The following SRGAP2 variants were observed in gnomAD, a reference collection of about 807,000 sequenced individuals.
The protein encoded by SRGAP2 is SLIT-ROBO Rho GTPase-activating protein 2.
SRGAP2 carries 15 observed loss-of-function variants against 57.2 expected under a neutral mutation model. That is an observed-to-expected ratio of 0.26 (90% CI 0.18 to 0.40). The LOEUF (loss-of-function observed/expected upper bound fraction) is 0.40. SRGAP2 is among the 10% of genes least tolerant of loss of function. The pLI is 1.00. For missense variants in SRGAP2, 520 were observed against 669.6 expected, an observed-to-expected ratio of 0.78 and a Z score of 2.47; for synonymous variants, 249 against 248.0, an observed-to-expected ratio of 1.00 and a Z score of -0.04.
intron 2 of SRGAP2, among the ~76,000 whole-genome samples, chr1:206,253,612 G>A (rs1415456084): frequency 3.9e-5 from 4 of 102,144 alleles, no homozygotes; most frequent in African/African-American, 1.6e-4. Flanking sequence ...GTCTCACTCC[G>A]TCCCCCAGGC....
intron 4 of SRGAP2, among the ~76,000 whole-genome samples, chr1:206,371,435 T>C (rs1553342608): frequency 6.6e-6 from 1 of 151,940 alleles, no homozygotes; most frequent in Non-Finnish European, 1.5e-5. Context: ...AAACTATATA[T>C]AAGAATATAG....
intron 3 of SRGAP2, among the ~76,000 whole-genome samples, chr1:206,333,974 G>A (rs1405067951): frequency 6.6e-6 from 1 of 152,128 alleles, no homozygotes; most frequent in Non-Finnish European, 1.5e-5. Flanking sequence ...TATCAACATG[G>A]TTAATAATAT....
chr1:206,300,711 GT>G (rs1671826749), intron 2 of SRGAP2, among the ~76,000 whole-genome samples: 1 of 116,752 alleles, frequency 8.6e-6, no homozygotes, highest in South Asian at 3.4e-4. Flanking sequence ...GTGCTTGGGG[GT>G]TTCTTATATT....
rs782363225 is a variant in SRGAP2 at position 206,461,908 on chromosome 1, C to CACAA, written c.*491_*492insAACA. ...TACACACACACACATTTTACACACACACACACACACACACACACACATATG... is the reference window on the plus strand; with the variant it reads ...TACACACACACACATTTTACACACACACAAACACACACACACACACACACATATG... On this transcript the variant is annotated 3_prime_UTR_variant, in exon 23 of 23. Coordinates refer to ENST00000573034, the MANE Select transcript of SRGAP2 (RefSeq NM_015326.5). 1 of 151,150 alleles carries CACAA rather than the reference C, an allele frequency of 6.6e-6. No homozygotes were observed. Among genetic ancestry groups the CACAA allele is most frequent in the African/African-American group, 2.5e-5 (1 of 40,576 alleles). The allele number at this position is 151,150 out of a possible 1,614,324, so 9.4% of individuals were successfully genotyped here.
intron 4 of SRGAP2, among the ~76,000 whole-genome samples, chr1:206,356,709 T>C (rs1179474622): frequency 6.7e-6 from 1 of 150,010 alleles, no homozygotes; most frequent in Non-Finnish European, 1.5e-5. Context: ...CTGAGCATGA[T>C]TTTTATTTAA....
At chr1:206,274,882 CA>C (rs1670327632) in intron 2 of SRGAP2, among the ~76,000 whole-genome samples, 1 of 147,142 alleles carries the variant, frequency 6.8e-6, no homozygotes, top group African/African-American at 2.5e-5. Flanking sequence ...TAAATGGGTC[CA>C]AAAATGCTGT....
chr1:206,240,265 C>CAAAA (rs72152960), intron 2 of SRGAP2, among the ~76,000 whole-genome samples: 1 of 84,104 alleles, frequency 1.2e-5, no homozygotes, highest in Non-Finnish European at 2.4e-5. Flanking sequence ...GACAACGTCT[C>CAAAA]AAAAAAAAAA....
At chr1:206,285,058 C>A (rs1287971205) in intron 2 of SRGAP2, among the ~76,000 whole-genome samples, 2 of 149,350 alleles carry the variant, frequency 1.3e-5, no homozygotes, top group African/African-American at 2.5e-5. Context: ...GTGTGAAGAC[C>A]CTGGAAGACC....
chr1:206,356,837 A>T (rs1212905813), intron 4 of SRGAP2, among the ~76,000 whole-genome samples: 2 of 140,448 alleles, frequency 1.4e-5, no homozygotes, highest in Non-Finnish European at 1.5e-5. Context: ...TTTCTACTAG[A>T]TCCTACCTTT....
chr1:206,239,780 A>T (rs1668098426), intron 2 of SRGAP2, among the ~76,000 whole-genome samples: 1 of 151,720 alleles, frequency 6.6e-6, no homozygotes, highest in Non-Finnish European at 1.5e-5. Flanking sequence ...TTTTTGATGT[A>T]CTTTTTAGCC....
intron 2 of SRGAP2, among the ~76,000 whole-genome samples, chr1:206,295,787 G>A (rs1671556500): frequency 6.6e-6 from 1 of 152,104 alleles, no homozygotes; most frequent in Admixed American, 6.5e-5. Context: ...TTGAGAACAG[G>A]GACCTTCATA....
intron 18 of SRGAP2, among the ~76,000 whole-genome samples, chr1:206,447,349 G>C (rs557330745): frequency 6.6e-6 from 1 of 152,184 alleles, no homozygotes; most frequent in Non-Finnish European, 1.5e-5. Context: ...TACTTAATTA[G>C]AGGCCAATTG....
chr1:206,247,573 T>A lies in SRGAP2; in HGVS notation c.67+41536T>A, dbSNP rs565712000. ...CATCCCTGTTAAGATAGGAGGGGGC[T>A]GAAATCATTTGTTCTCCTTCACATT... is the stretch of plus-strand genomic sequence containing the variant. On this transcript the variant is annotated intron_variant, in intron 2 of 22. Transcript: ENST00000573034. 5.2e-3 allele frequency among the ~76,000 whole-genome samples: 786 copies of A among 151,868 alleles called. 5 individuals are homozygous for A. Among genetic ancestry groups the A allele is most frequent in the Non-Finnish European group, 4.3e-3 (295 of 67,922 alleles).
At chr1:206,457,191 T>C (rs1471825950) in intron 21 of SRGAP2, among the ~76,000 whole-genome samples, 4 of 152,000 alleles carry the variant, frequency 2.6e-5, no homozygotes, top group African/African-American at 9.7e-5. Flanking sequence ...ATGAGTCAGC[T>C]ATCCTCAAGC....
chr1:206,448,475 G>C (rs1454809390), intron 18 of SRGAP2, among the ~76,000 whole-genome samples: 2 of 152,202 alleles, frequency 1.3e-5, no homozygotes, highest in Admixed American at 6.5e-5. Flanking sequence ...AGGGCTAGAA[G>C]AGACCTCAGA....
At chr1:206,444,289 G>A (rs1430990883) in intron 17 of SRGAP2, among the ~76,000 whole-genome samples, 2 of 152,068 alleles carry the variant, frequency 1.3e-5, no homozygotes, top group African/African-American at 4.8e-5. Context: ...CAAGAAAATA[G>A]ACCTAGAATC....
intron 2 of SRGAP2, among the ~76,000 whole-genome samples, chr1:206,230,695 C>T (rs1296866214): frequency 2.8e-5 from 4 of 142,658 alleles, no homozygotes; most frequent in South Asian, 2.2e-4. Flanking sequence ...GGTGCGATCT[C>T]GGCTCACTGC....
intron 14 of SRGAP2, among the ~76,000 whole-genome samples, chr1:206,434,910 C>G (rs1288307446): frequency 6.6e-6 from 1 of 152,214 alleles, no homozygotes; most frequent in South Asian, 2.1e-4. Flanking sequence ...TAGTGAGTAG[C>G]CTGGTTTCCG....
rs1411305448 is a variant in SRGAP2, at chr1:206,297,046, C to CT, written c.68-6230dup. On this transcript the variant is annotated intron_variant, in intron 2 of 22. Transcript: ENST00000573034. The stretch of plus-strand genomic sequence containing the variant: ...CTACCCTGCTAACTTTGAGGAAGAA[C>CT]TTTTTGTCTGTATTCCCAGAGCACC... 4.8e-4 allele frequency among the ~76,000 whole-genome samples: 69 copies of CT among 143,562 alleles called. 1 individual carries two copies. The South Asian group carries it at 0.016, about 33-fold the overall frequency. 94.2% of individuals were successfully genotyped at this position (143,562 alleles called of 152,430 possible).
Sources: allele counts gnomAD v4.1 joint callset (sites outside exome capture counted in the v4.1 genomes callset), GRCh38; gene constraint gnomAD v4.1.1; transcripts MANE v1.5; gene names NCBI Gene and HGNC (gene_info 2026-07-23, HGNC 2026-07-21).